COL24A1: variants seen among roughly 807,000 people sequenced by gnomAD.
The protein encoded by COL24A1 is collagen alpha-1(XXIV) chain.
COL24A1 carries 224 observed loss-of-function variants against 253.9 expected under a neutral mutation model. That is an observed-to-expected ratio of 0.88 (90% confidence interval 0.79 to 0.99). The LOEUF (loss-of-function observed/expected upper bound fraction) is 0.99. Ranked by LOEUF, COL24A1 falls within the 50% of genes least tolerant of loss-of-function variation. The probability of loss-of-function intolerance (pLI) is 0.00; values close to 1 mark genes in which losing one functional copy is unlikely to be tolerated. For missense variants in COL24A1, 2,131 were observed against 2,068.5 expected (o/e 1.03, Z -0.59); for synonymous variants, 685 against 673.7 (o/e 1.02, Z -0.26).
intron 24 of COL24A1, among the ~76,000 whole-genome samples, chr1:85,927,026 T>C (rs181601830): frequency 7.0e-4 from 106 of 152,252 alleles, no homozygotes; most frequent in African/African-American, 2.1e-3. Flanking sequence ...AGCTTTTGTG[T>C]GTTTGGATAT....
At chr1:85,974,461 T>C (rs959969733) in intron 20 of COL24A1, among the ~76,000 whole-genome samples, 2 of 151,928 alleles carry the variant, frequency 1.3e-5, no homozygotes, top group African/African-American at 2.4e-5. Context: ...AAAGACAAAA[T>C]TGAATGGAAG....
At chr1:85,932,830 C>T (rs1255232134) in intron 24 of COL24A1, among the ~76,000 whole-genome samples, 3 of 64,574 alleles carry the variant, frequency 4.6e-5, no homozygotes, top group Non-Finnish European at 8.7e-5. Flanking sequence ...AGTAAACTAT[C>T]GCAAGAACAA....
At chr1:85,783,802 T>C (rs1330221571) in intron 50 of COL24A1, among the ~76,000 whole-genome samples, 1 of 152,130 alleles carries the variant, frequency 6.6e-6, no homozygotes, top group Non-Finnish European at 1.5e-5. Context: ...ATGTTAATGG[T>C]AAAATTTAGG....
At chr1:85,905,460 G>A (rs965012071) in intron 28 of COL24A1, among the ~76,000 whole-genome samples, 2 of 151,984 alleles carry the variant, frequency 1.3e-5, no homozygotes, top group African/African-American at 4.8e-5. Context: ...CTGGTCTTCG[G>A]TATGTTTTCT....
chr1:85,775,490 T>TA (rs1668445748), intron 53 of COL24A1, among the ~76,000 whole-genome samples, 184 bp downstream of exon 53: 3 of 152,152 alleles, frequency 2.0e-5, no homozygotes, highest in African/African-American at 2.4e-5. Flanking sequence ...CTCCCATTAT[T>TA]ATTGTGTGAG....
At chr1:86,065,206 T>G (rs982812242) in intron 7 of COL24A1, among the ~76,000 whole-genome samples, 3 of 152,168 alleles carry the variant, frequency 2.0e-5, no homozygotes, top group African/African-American at 7.2e-5. Context: ...TCCTATTTTT[T>G]TAAAGTGTGT....
intron 24 of COL24A1, among the ~76,000 whole-genome samples, chr1:85,921,284 C>G (rs983817749): frequency 1.3e-5 from 2 of 152,234 alleles, no homozygotes; most frequent in African/African-American, 2.4e-5. Flanking sequence ...GAGATTATAT[C>G]CTGTGCCTGG....
chr1:85,943,020 G>A (rs1013998049), intron 24 of COL24A1, among the ~76,000 whole-genome samples: 4 of 152,200 alleles, frequency 2.6e-5, no homozygotes, highest in Admixed American at 2.6e-4. Flanking sequence ...CTACTAGCTG[G>A]AGAAGATCTG....
chr1:85,877,075 C>G (rs200982223), intron 33 of COL24A1, 47 bp downstream of exon 33: 37 of 1,382,148 alleles, frequency 2.7e-5, no homozygotes, highest in Non-Finnish European at 3.6e-5. Context: ...TAGAGTCTTA[C>G]AAAAAGTAGA....
intron 7 of COL24A1, among the ~76,000 whole-genome samples, chr1:86,070,898 C>G (rs763317546): frequency 5.1e-4 from 78 of 151,560 alleles, no homozygotes; most frequent in Non-Finnish European, 2.7e-4. Context: ...TCTGAAGGTA[C>G]AAAACTCACT....
intron 24 of COL24A1, among the ~76,000 whole-genome samples, chr1:85,943,369 T>C (rs574179196): frequency 6.6e-6 from 1 of 152,218 alleles, no homozygotes; most frequent in African/African-American, 2.4e-5. Flanking sequence ...CCAATTCTCT[T>C]AGTAAGTCCT....
chr1:86,032,786 A>G (rs190397886), intron 13 of COL24A1, among the ~76,000 whole-genome samples: 5 of 152,264 alleles, frequency 3.3e-5, no homozygotes, highest in Admixed American at 3.3e-4. Context: ...TCCTGAAGAA[A>G]TATTATTATA....
intron 2 of COL24A1, among the ~76,000 whole-genome samples, chr1:86,134,833 G>T (rs1649954915): frequency 1.8e-5 from 2 of 108,174 alleles, no homozygotes; most frequent in Non-Finnish European, 1.9e-5. Context: ...CTGTTGATTT[G>T]GGGTGGAGAG....
chr1:86,027,484 G>A (rs1698143614), intron 14 of COL24A1, among the ~76,000 whole-genome samples: 1 of 152,200 alleles, frequency 6.6e-6, no homozygotes, highest in Admixed American at 6.5e-5. Context: ...CAGAGCTCAG[G>A]CCGGTGCTTC....
At chr1:86,079,511 G>T (rs565088856) in intron 7 of COL24A1, among the ~76,000 whole-genome samples, 15 of 152,154 alleles carry the variant, frequency 9.9e-5, no homozygotes, top group African/African-American at 3.1e-4. Flanking sequence ...ATAAAGTGAA[G>T]AAACAACCCA....
chr1:86,006,001 G>C (rs1317002055), intron 19 of COL24A1, among the ~76,000 whole-genome samples: 1 of 152,054 alleles, frequency 6.6e-6, no homozygotes, highest in Admixed American at 6.5e-5. Flanking sequence ...CTAATACTTA[G>C]TTATGAACCT....
intron 35 of COL24A1, among the ~76,000 whole-genome samples, chr1:85,871,487 G>T (rs542773899): frequency 4.6e-5 from 7 of 152,272 alleles, no homozygotes; most frequent in African/African-American, 1.7e-4. Flanking sequence ...ACATCAAAAA[G>T]CTTATCCACC....
intron 55 of COL24A1, among the ~76,000 whole-genome samples, chr1:85,756,057 C>CAAAAAA (rs200030128): frequency 7.3e-5 from 7 of 95,826 alleles, no homozygotes; most frequent in Admixed American, 1.2e-4. Flanking sequence ...TACTAACAAC[C>CAAAAAA]AAAAAAAAAA....
intron 32 of COL24A1, among the ~76,000 whole-genome samples, chr1:85,885,465 C>T (rs759205410): frequency 1.3e-5 from 2 of 150,968 alleles, no homozygotes; most frequent in East Asian, 3.9e-4. Context: ...AGGTGATCCA[C>T]CTGCTTTGGC....
Sources: allele counts gnomAD v4.1 joint callset (sites outside exome capture counted in the v4.1 genomes callset), GRCh38; gene constraint gnomAD v4.1.1; transcripts MANE v1.5; gene names NCBI Gene and HGNC (gene_info 2026-07-23, HGNC 2026-07-21).